KCNV2: variants seen among roughly 807,000 people sequenced by gnomAD.
KCNV2 encodes potassium voltage-gated channel subfamily V member 2.
Under a neutral mutation model 37.0 loss-of-function variants are expected in KCNV2, and 65 were observed. That is an observed-to-expected ratio of 1.76 (90% CI 1.44 to 2.16). The LOEUF (loss-of-function observed/expected upper bound fraction) is 2.16, where lower values mean the gene tolerates loss of function less well. Ranked by LOEUF, KCNV2 falls within the 30% of genes most tolerant of loss-of-function variation. KCNV2 has a pLI of 0.00. For missense variants in KCNV2, 1,232 were observed against 766.7 expected (o/e 1.61, Z -7.17); for synonymous variants, 518 against 328.6 (o/e 1.58, Z -6.23).
intron 1 of KCNV2, among the ~76,000 whole-genome samples, chr9:2,729,227 C>G (rs1476477729): frequency 6.6e-6 from 1 of 152,198 alleles, no homozygotes; most frequent in East Asian, 1.9e-4. Flanking sequence ...GTCAGGATTT[C>G]AGCCAAAGTC....
chr9:2,727,390 A>G (rs1009661040), intron 1 of KCNV2, among the ~76,000 whole-genome samples: 2 of 152,314 alleles, frequency 1.3e-5, no homozygotes, highest in East Asian at 1.9e-4. Flanking sequence ...ATATGTAACT[A>G]ACCTGCACGT....
rs964924713 is a variant in KCNV2, at chr9:2,729,521, A to G, written c.1432A>G (p.Ile478Val). Residue 478 changes from isoleucine (I) to valine (V), a missense_variant, in exon 2 of 2, where the codon ATT becomes GTT. Coordinates refer to ENST00000382082, the MANE Select transcript of KCNV2 (RefSeq NM_133497.4). Reference protein sequence around the residue: ...HLGRFFAFLCIAFGIILNGMP... With the variant: ...HLGRFFAFLCVAFGIILNGMP... The stretch of plus-strand genomic sequence containing the variant: ...GGGCAGGTTTTTTGCCTTCCTCTGC[A>G]TTGCTTTTGGGATCATTCTCAACGG... 1.2e-6 allele frequency: 2 copies of G among 1,614,054 alleles called. No homozygotes were observed. The highest frequency in any genetic ancestry group is 1.7e-6 in the Non-Finnish European group (2 of 1,179,998).
At chr9:2,721,801 G>A (rs759458063) in intron 1 of KCNV2, among the ~76,000 whole-genome samples, 105 of 152,204 alleles carry the variant, frequency 6.9e-4, no homozygotes, top group African/African-American at 2.5e-3. Context: ...TCTGTCTTTA[G>A]TGGGATAGTC....
chr9:2,723,439 T>G (rs763302437), intron 1 of KCNV2, among the ~76,000 whole-genome samples: 2 of 152,228 alleles, frequency 1.3e-5, no homozygotes, highest in East Asian at 3.8e-4. Context: ...GTAGTTTTCA[T>G]TACTGTGAAT....
At position 2,717,516 on chromosome 9, in the gene KCNV2, G is replaced by A; in HGVS notation, c.-224G>A. On this transcript the variant is annotated 5_prime_UTR_variant, in exon 1 of 2. Coordinates refer to ENST00000382082, the MANE Select transcript of KCNV2 (RefSeq NM_133497.4). ...CTTCCAAATCAGCAAGATTAGAGCA[G>A]TCAACAGCTGACTGCGTTCAGACCC... 1.7e-6 allele frequency: 1 copy of A among 592,556 alleles called. No individual in the cohort carries two copies. Among genetic ancestry groups the A allele is most frequent in the South Asian group, 2.0e-5 (1 of 50,588 alleles). 36.7% of individuals were successfully genotyped at this position (592,556 alleles called of 1,614,324 possible).
At position 2,729,950 on chromosome 9, in the gene KCNV2, T is replaced by G; in HGVS notation, c.*223T>G. On this transcript the variant is annotated 3_prime_UTR_variant, in exon 2 of 2. Coordinates refer to ENST00000382082, the MANE Select transcript of KCNV2 (RefSeq NM_133497.4). Reference sequence around the variant, plus strand: ...AAACATCTGACCTTCTCAATGACGTTGATATTGAAAACCTGAGGGGAGCAA... The same window carrying G: ...AAACATCTGACCTTCTCAATGACGTGGATATTGAAAACCTGAGGGGAGCAA... 1 of 552,926 alleles carries G rather than the reference T, an allele frequency of 1.8e-6. No homozygotes were observed. Among genetic ancestry groups the G allele is most frequent in the Admixed American group, 3.1e-5 (1 of 32,646 alleles). The allele number at this position is 552,926 out of a possible 1,614,324, so 34.3% of individuals were successfully genotyped here. A position where few individuals can be genotyped will look rare whatever the true frequency, so the allele number is the denominator to read the frequency against.
chr9:2,727,456 C>T (rs1316501231), intron 1 of KCNV2, among the ~76,000 whole-genome samples: 1 of 152,192 alleles, frequency 6.6e-6, no homozygotes, highest in South Asian at 2.1e-4. Context: ...CTCATGCAAC[C>T]AAGAGGACTT....
rs1309416083 is a variant in KCNV2, at chr9:2,719,924, T to G, written c.1356+829T>G. Among the ~76,000 whole-genome samples, 4 of 152,382 alleles carry G rather than the reference T, an allele frequency of 2.6e-5. No individual in the cohort carries two copies. The East Asian group carries it at 7.7e-4, about 29-fold the overall frequency. On this transcript the variant is annotated intron_variant, in intron 1 of 1. Coordinates refer to ENST00000382082, the MANE Select transcript of KCNV2 (RefSeq NM_133497.4). The stretch of plus-strand genomic sequence containing the variant: ...TCTTTGGCCTTTGCCTTTTTATAAC[T>G]TGTGCTGTTTACTCAAATATCTGTA...
Position 2,718,625 on chromosome 9 carries a change from C to G in KCNV2, c.886C>G (p.Pro296Ala). ...GCACTCGGGGCAGGGCGAGGGCGGC[C>G]CAGACCTGCGGCCCATCCTGGAGCA... ...QQHSGQGEGG[P>A]DLRPILEHVE... Residue 296 changes from proline (P) to alanine (A), a missense_variant, in exon 1 of 2, where the codon CCA becomes GCA. Physicochemically the swap from Pro to Ala is conservative, Grantham distance 27. Transcript: ENST00000382082. 1 of 1,613,116 alleles carries G rather than the reference C, an allele frequency of 6.2e-7. No homozygotes were observed.
At chr9:2,719,534 C>G (rs1451013669) in intron 1 of KCNV2, among the ~76,000 whole-genome samples, 3 of 151,836 alleles carry the variant, frequency 2.0e-5, no homozygotes, top group Non-Finnish European at 4.4e-5. Context: ...TAGATTTATA[C>G]AGAGAAGGAG....
chr9:2,722,156 TATAA>T (rs542268287), intron 1 of KCNV2, among the ~76,000 whole-genome samples: 1 of 140,464 alleles, frequency 7.1e-6, no homozygotes, highest in Non-Finnish European at 1.5e-5. Flanking sequence ...AGAAGTTATT[TATAA>T]ATAAATTAGA....
In KCNV2 at chr9:2,717,974, G is replaced by GAAGAGGACCAGCAGGCAT. The variant is rs1819768838; in HGVS notation, c.235_236insAAGAGGACCAGCAGGCAT (p.Gly79delinsGluGluAspGlnGlnAlaTrp). 1 of 1,614,150 alleles carries GAAGAGGACCAGCAGGCAT rather than the reference G, an allele frequency of 6.2e-7. No individual in the cohort carries two copies. Among genetic ancestry groups the GAAGAGGACCAGCAGGCAT allele is most frequent in the Non-Finnish European group, 8.5e-7 (1 of 1,180,022 alleles). On this transcript the variant is annotated protein_altering_variant, in exon 1 of 2. Coordinates refer to ENST00000382082, the MANE Select transcript of KCNV2 (RefSeq NM_133497.4). ...CCTGGCAGAAGAGGACCAGCAGGCA[G>GAAGAGGACCAGCAGGCAT]GGGAGGTCACCACCGCCAAGCCCGA...
Position 2,718,312 on chromosome 9 carries a change from G to T in KCNV2, c.573G>T (p.Arg191=), listed in dbSNP as rs768859361. The T allele has an allele frequency of 1.2e-6, 2 of 1,607,598 alleles. No homozygotes were observed. The highest frequency in any genetic ancestry group is 1.7e-6 in the Non-Finnish European group (2 of 1,178,726). Residue 191 remains arginine, a synonymous_variant, in exon 1 of 2, where the codon CGG becomes CGT. Coordinates refer to ENST00000382082, the MANE Select transcript of KCNV2 (RefSeq NM_133497.4). ...FLEELGYWGV[R]LKYTPRCCRI... ...AGGAGCTGGGCTACTGGGGCGTGCG[G>T]CTCAAGTACACGCCACGCTGCTGCC...
At chr9:2,724,467 A>C (rs1819937121) in intron 1 of KCNV2, among the ~76,000 whole-genome samples, 2 of 152,358 alleles carry the variant, frequency 1.3e-5, no homozygotes, top group Admixed American at 1.3e-4. Context: ...AAAAAAAAGA[A>C]GACTGGAAAA....
At chr9:2,723,173 C>A (rs980656454) in intron 1 of KCNV2, among the ~76,000 whole-genome samples, 34 of 152,116 alleles carry the variant, frequency 2.2e-4, no homozygotes, top group African/African-American at 7.7e-4. Flanking sequence ...AGAAAGTATA[C>A]ACTCACAAAT....
rs754637111 is a variant in KCNV2 at position 2,718,700 on chromosome 9, C to T, written c.961C>T (p.Leu321=). 6 of 1,613,192 alleles carry T rather than the reference C, an allele frequency of 3.7e-6. No homozygotes were observed. The highest frequency in any genetic ancestry group is 2.2e-5 in the East Asian group (1 of 44,850). Reference sequence around the variant, plus strand: ...CTTCACGCTCGAGTACCTGCTGCGCCTAGCCTCCACGCCCGACCTGAGGCG... The same window carrying T: ...CTTCACGCTCGAGTACCTGCTGCGCTTAGCCTCCACGCCCGACCTGAGGCG... ...GFFTLEYLLR[L]ASTPDLRRFA... The change falls in exon 1 of 2, where the codon CTA becomes TTA. Residue 321 remains leucine, a synonymous_variant. Transcript: ENST00000382082.
At position 2,717,944 on chromosome 9, in the gene KCNV2, G is replaced by A; in HGVS notation, c.205G>A (p.Asp69Asn). Residue 69 changes from aspartate (D) to asparagine (N), a missense_variant, in exon 1 of 2, where the codon GAC becomes AAC. By Grantham distance (23) the Asp-to-Asn change is conservative. Coordinates refer to ENST00000382082, the MANE Select transcript of KCNV2 (RefSeq NM_133497.4). ...EDGEEEDQWK[D>N]DLAEEDQQAG... is the part of the protein sequence containing the mutation. ...CGGCGAGGAGGAGGACCAGTGGAAGGACGACCTGGCAGAAGAGGACCAGCA... is the reference window on the plus strand; with the variant it reads ...CGGCGAGGAGGAGGACCAGTGGAAGAACGACCTGGCAGAAGAGGACCAGCA... 6.2e-7 allele frequency: 1 copy of A among 1,614,044 alleles called. No individual in the cohort carries two copies. Among genetic ancestry groups the A allele is most frequent in the South Asian group, 1.1e-5 (1 of 91,080 alleles).
Position 2,729,598 on chromosome 9 carries a change from G to T in KCNV2, c.1509G>T (p.Leu503=), listed in dbSNP as rs1213465099. Reference sequence around the variant, plus strand: ...AGTTTTCTGATTACTACAGCAAGCTGAAGGCTTATGAGTATACCACCATAC... The same window carrying T: ...AGTTTTCTGATTACTACAGCAAGCTTAAGGCTTATGAGTATACCACCATAC... ...YNKFSDYYSK[L]KAYEYTTIRR... The change falls in exon 2 of 2, where the codon CTG becomes CTT. Residue 503 remains leucine (L), a synonymous_variant. Coordinates refer to ENST00000382082, the MANE Select transcript of KCNV2 (RefSeq NM_133497.4). 6.2e-7 allele frequency: 1 copy of T among 1,613,970 alleles called. No individual in the cohort carries two copies. Among genetic ancestry groups the T allele is most frequent in the Non-Finnish European group, 8.5e-7 (1 of 1,180,022 alleles).
chr9:2,720,887 C>T (rs1296508967), intron 1 of KCNV2, among the ~76,000 whole-genome samples: 2 of 152,164 alleles, frequency 1.3e-5, no homozygotes. Flanking sequence ...TAATGTTACT[C>T]AGGTTGTATT....
Sources: allele counts gnomAD v4.1 joint callset (sites outside exome capture counted in the v4.1 genomes callset), GRCh38; gene constraint gnomAD v4.1.1; transcripts MANE v1.5; gene names NCBI Gene and HGNC (gene_info 2026-07-23, HGNC 2026-07-21).